Variants in BCAR3 observed in about 807,000 individuals in gnomAD.
BCAR3 encodes the protein breast cancer anti-estrogen resistance protein 3.
A neutral mutation model predicts 80.1 loss-of-function variants in BCAR3; 37 were observed. The ratio of observed to expected loss-of-function variants is 0.46; its 90% CI spans 0.36 to 0.61. The LOEUF (loss-of-function observed/expected upper bound fraction) is 0.61, where lower values mean the gene tolerates loss of function less well. Among genes scored for constraint, BCAR3 ranks in the 20% least tolerant of loss-of-function variants. The pLI is 0.00. For missense variants in BCAR3, 978 were observed against 1,068.2 expected (o/e 0.92, Z 1.18); for synonymous variants, 389 against 418.9 (o/e 0.93, Z 0.87).
chr1:93,638,279 C>A (rs561178661), intron 3 of BCAR3, among the ~76,000 whole-genome samples: 51 of 152,272 alleles, frequency 3.3e-4, no homozygotes, highest in African/African-American at 1.1e-3. Context: ...GTGGACCCAG[C>A]TCCCTCCCTG....
At chr1:93,704,428 T>C (rs889332086) in intron 3 of BCAR3, among the ~76,000 whole-genome samples, 4 of 152,180 alleles carry the variant, frequency 2.6e-5, no homozygotes, top group African/African-American at 9.7e-5. Context: ...ATAAGGTAGG[T>C]ACTGCTATTC....
At chr1:93,726,427 T>C (rs1245490182) in intron 2 of BCAR3, among the ~76,000 whole-genome samples, 1 of 152,146 alleles carries the variant, frequency 6.6e-6, no homozygotes, top group Non-Finnish European at 1.5e-5. Flanking sequence ...TATCTTGTCA[T>C]GTGTCTCAAA....
intron 2 of BCAR3, among the ~76,000 whole-genome samples, chr1:93,661,101 A>G (rs1218611956): frequency 1.3e-5 from 2 of 151,520 alleles, no homozygotes; most frequent in Non-Finnish European, 2.9e-5. Context: ...GTGCAATGGC[A>G]TGATCTCCGC....
Position 93,573,621 on chromosome 1 carries a change from A to G in BCAR3, c.1803-1780T>C, listed in dbSNP as rs1232505384. Among the ~76,000 whole-genome samples, 149 of 139,118 alleles carry G rather than the reference A, an allele frequency of 1.1e-3. 5 individuals are homozygous for G. The highest frequency in any genetic ancestry group is 1.7e-3 in the Non-Finnish European group (110 of 65,326). The allele number at this position is 139,118 out of a possible 152,430, so 91.3% of individuals were successfully genotyped here. A position where few individuals can be genotyped will look rare whatever the true frequency, so the allele number is the denominator to read the frequency against. On this transcript the variant is annotated intron_variant, in intron 8 of 11. Coordinates refer to ENST00000260502, the MANE Select transcript of BCAR3 (RefSeq NM_003567.4). Reference sequence around the variant, plus strand: ...CCTAAAATATATTTTTATTATTATTATTATTATTATTATTTTTTTTTTTTT... The same window carrying G: ...CCTAAAATATATTTTTATTATTATTGTTATTATTATTATTTTTTTTTTTTT...
chr1:93,827,970 G>A (rs1295290659), intron 2 of BCAR3, among the ~76,000 whole-genome samples: 1 of 152,078 alleles, frequency 6.6e-6, no homozygotes. Flanking sequence ...CCCAGTCATA[G>A]AAATCACAAT....
At chr1:93,808,096 T>A (rs1306750047) in intron 2 of BCAR3, among the ~76,000 whole-genome samples, 2 of 150,698 alleles carry the variant, frequency 1.3e-5, no homozygotes. Flanking sequence ...AGAGTCCCTC[T>A]CTGTACATTC....
At chr1:93,775,124 G>T (rs11164980) in intron 2 of BCAR3, 1 of 152,072 alleles carries the variant, frequency 6.6e-6, no homozygotes, top group Non-Finnish European at 1.5e-5. Context: ...CAATTGCTGC[G>T]TCCAGGTAAA....
At chr1:93,696,025 C>A (rs931348374) in intron 3 of BCAR3, among the ~76,000 whole-genome samples, 13 of 151,792 alleles carry the variant, frequency 8.6e-5, no homozygotes, top group Admixed American at 5.9e-4. Context: ...TATAATGCAA[C>A]CTGCTACTGC....
intron 2 of BCAR3, among the ~76,000 whole-genome samples, chr1:93,769,851 A>G (rs1246105545): frequency 6.6e-6 from 1 of 152,226 alleles, no homozygotes; most frequent in Non-Finnish European, 1.5e-5. Flanking sequence ...GAGGGAGCTC[A>G]GCTGACAGGA....
chr1:93,839,106 C>G (rs1654870136), intron 2 of BCAR3, among the ~76,000 whole-genome samples: 1 of 152,124 alleles, frequency 6.6e-6, no homozygotes, highest in African/African-American at 2.4e-5. Context: ...AGTTTGAGAC[C>G]AGCCTGGTGA....
chr1:93,749,259 C>T (rs907761094), intron 2 of BCAR3, among the ~76,000 whole-genome samples: 10 of 151,918 alleles, frequency 6.6e-5, no homozygotes, highest in Non-Finnish European at 4.4e-5. Context: ...TCATGGTTTT[C>T]CCTCTTATTA....
Position 93,567,359 on chromosome 1 carries a change from A to G in BCAR3, c.2219T>C (p.Met740Thr). 1.2e-6 allele frequency: 2 copies of G among 1,614,206 alleles called. No homozygotes were observed. The highest frequency in any genetic ancestry group is 2.2e-5 in the South Asian group (2 of 91,088). The change falls in exon 11 of 12, where the codon ATG (methionine) becomes ACG (threonine). Residue 740 changes from methionine to threonine, a missense_variant. Coordinates refer to ENST00000260502, the MANE Select transcript of BCAR3 (RefSeq NM_003567.4). The part of the protein sequence containing the change: ...WEKNDQSCEI[M>T]LNHLATARFM... ...TCGCGCTGTTGCCAAATGGTTCAGCATGATTTCACAGCTCTGGTCGTTTTT... is the reference window on the plus strand; with the variant it reads ...TCGCGCTGTTGCCAAATGGTTCAGCGTGATTTCACAGCTCTGGTCGTTTTT...
chr1:93,845,978 G>T (rs1655161770), intron 1 of BCAR3, among the ~76,000 whole-genome samples: 1 of 152,174 alleles, frequency 6.6e-6, no homozygotes, highest in African/African-American at 2.4e-5. Flanking sequence ...GAAAGCTAAC[G>T]TGTTAGTTTG....
chr1:93,672,614 G>A (rs958661624), intron 2 of BCAR3, among the ~76,000 whole-genome samples: 15 of 152,106 alleles, frequency 9.9e-5, no homozygotes, highest in African/African-American at 2.7e-4. Flanking sequence ...CCAATTATGC[G>A]ATGTTAACAA....
chr1:93,785,363 CAG>C (rs1230077032), intron 2 of BCAR3, among the ~76,000 whole-genome samples: 1 of 152,142 alleles, frequency 6.6e-6, no homozygotes, highest in Non-Finnish European at 1.5e-5. Context: ...CTGCAGCAAA[CAG>C]AAGACAGGGT....
At chr1:93,630,860 C>G (rs915992133) in intron 3 of BCAR3, among the ~76,000 whole-genome samples, 6 of 152,146 alleles carry the variant, frequency 3.9e-5, no homozygotes, top group African/African-American at 1.4e-4. Flanking sequence ...GTTTAATCCC[C>G]GATCTTCCCA....
chr1:93,624,214 C>G (rs1365915788), intron 3 of BCAR3, among the ~76,000 whole-genome samples: 1 of 152,162 alleles, frequency 6.6e-6, no homozygotes, highest in African/African-American at 2.4e-5. Context: ...GAGGATGTTT[C>G]CAAAAGGCTT....
At chr1:93,584,848 G>T in intron 5 of BCAR3, 1 of 425,946 alleles carries the variant, frequency 2.3e-6, no homozygotes, top group Non-Finnish European at 3.1e-6. Flanking sequence ...CCAGCACCAA[G>T]CACCAGAATC....
intron 11 of BCAR3, among the ~76,000 whole-genome samples, chr1:93,564,275 A>T (rs908998984): frequency 6.8e-6 from 1 of 146,198 alleles, no homozygotes; most frequent in African/African-American, 2.5e-5. Context: ...TTGTGTCCTA[A>T]GAATTTCTTT....
Sources: gnomAD v4.1 joint callset for allele counts (sites outside exome capture counted in the v4.1 genomes callset) on GRCh38, gnomAD v4.1.1 for gene constraint, MANE v1.5 for transcripts, NCBI Gene and HGNC (gene_info 2026-07-23, HGNC 2026-07-21) for gene names.